IRS1: variants seen among roughly 807,000 people sequenced by gnomAD.
IRS1 encodes insulin receptor substrate 1.
A neutral mutation model predicts 65.6 loss-of-function variants in IRS1; 34 were observed. The observed-to-expected ratio is 0.52, with a 90% CI of 0.39 to 0.69. The LOEUF (loss-of-function observed/expected upper bound fraction) is 0.69, where lower values mean the gene tolerates loss of function less well. IRS1 is among the 30% of genes least tolerant of loss of function. The pLI is 0.00. For synonymous variants in IRS1, 699 were observed against 683.5 expected (o/e 1.02, Z -0.35); for missense variants, 1,641 against 1,720.2 (o/e 0.95, Z 0.81).
Position 226,797,273 on chromosome 2 carries a change from C to T in IRS1, c.1466G>A (p.Gly489Asp), listed in dbSNP as rs745355096. The T allele has an allele frequency of 5.6e-6, 9 of 1,613,402 alleles. No homozygotes were observed. Among genetic ancestry groups the T allele is most frequent in the Non-Finnish European group, 7.6e-6 (9 of 1,179,964 alleles). Reference protein sequence around the residue: ...PNGHYILSRGGNGHRCTPGTG... With the variant: ...PNGHYILSRGDNGHRCTPGTG... ...TCCTGGGGTGCAGCGGTGGCCATTG[C>T]CACCCCGAGACAAAATGTAGTGACC... is the stretch of plus-strand genomic sequence containing the variant. Residue 489 changes from glycine (G) to aspartate (D), a missense_variant, in exon 1 of 2, where the codon GGC (glycine) becomes GAC (aspartate). Around this residue, in one of 3 missense-constraint regions of IRS1, gnomAD observed 1,324 missense variants for 1,361.0 expected, o/e 0.97. Coordinates refer to ENST00000305123, the MANE Select transcript of IRS1 (RefSeq NM_005544.3). The surrounding 1 kb of genome is among the most constrained non-coding windows in gnomAD (Gnocchi z 8.1).
intron 1 of IRS1, among the ~76,000 whole-genome samples, chr2:226,790,162 C>T (rs1358695969): frequency 1.3e-5 from 2 of 152,184 alleles, no homozygotes; most frequent in Non-Finnish European, 2.9e-5. Flanking sequence ...ACAAAATCCT[C>T]AAGTTACTGA....
intron 1 of IRS1, among the ~76,000 whole-genome samples, chr2:226,740,396 A>G (rs1938414758): frequency 6.6e-6 from 1 of 152,208 alleles, no homozygotes; most frequent in Non-Finnish European, 1.5e-5. Flanking sequence ...GCTACTTGAC[A>G]CCTATGGATT....
At chr2:226,769,552 G>A (rs1046767432) in intron 1 of IRS1, among the ~76,000 whole-genome samples, 24 of 152,220 alleles carry the variant, frequency 1.6e-4, no homozygotes, top group Non-Finnish European at 3.1e-4. Flanking sequence ...ACATGCAGAT[G>A]TTGTTTTAGG....
In IRS1 at chr2:226,799,295, C is replaced by A; in HGVS notation, c.-557G>T. 1 of 1,197,118 alleles carries A rather than the reference C, an allele frequency of 8.4e-7. No individual in the cohort carries two copies. Among genetic ancestry groups the A allele is most frequent in the South Asian group, 1.5e-5 (1 of 65,592 alleles). 74.2% of individuals were successfully genotyped at this position (1,197,118 alleles called of 1,614,324 possible). A position where few individuals can be genotyped will look rare whatever the true frequency, so the allele number is the denominator to read the frequency against. On this transcript the variant is annotated 5_prime_UTR_variant, in exon 1 of 2. Transcript: ENST00000305123. This position sits in a 1 kb window ranked among gnomAD's most constrained non-coding sequence, Gnocchi z 6.1. ...CCTTCGCCTCCTCCCACCCCCCAAC[C>A]GTCCCAGCCGCCACCAGCCGCCCAA...
At chr2:226,744,661 C>T (rs1031161937) in intron 1 of IRS1, among the ~76,000 whole-genome samples, 12 of 152,190 alleles carry the variant, frequency 7.9e-5, no homozygotes, top group Non-Finnish European at 1.6e-4. Flanking sequence ...ACCGTGTATG[C>T]AAGGGATCTA....
intron 1 of IRS1, among the ~76,000 whole-genome samples, chr2:226,776,612 A>G (rs915184547): frequency 1.1e-4 from 16 of 152,150 alleles, no homozygotes; most frequent in Non-Finnish European, 2.1e-4. Flanking sequence ...CACTGTTACA[A>G]AGTGTAATCC....
intron 1 of IRS1, among the ~76,000 whole-genome samples, chr2:226,775,222 C>T (rs929953510): frequency 3.9e-5 from 6 of 152,194 alleles, no homozygotes; most frequent in African/African-American, 1.2e-4. Context: ...ACCGAAGTAA[C>T]TCTGGAAATG....
intron 1 of IRS1, among the ~76,000 whole-genome samples, chr2:226,750,576 T>C (rs1938658496): frequency 3.3e-5 from 5 of 152,206 alleles, no homozygotes; most frequent in Admixed American, 3.3e-4. Flanking sequence ...AAAGGAAGAA[T>C]ACATATCAAA....
intron 1 of IRS1, among the ~76,000 whole-genome samples, chr2:226,751,322 C>T (rs1380108202): frequency 1.7e-5 from 2 of 115,494 alleles, no homozygotes; most frequent in East Asian, 2.7e-4. Context: ...CTCGCTTTGT[C>T]GCCCAGGCTG....
chr2:226,776,844 T>G (rs1939283872), intron 1 of IRS1, among the ~76,000 whole-genome samples: 1 of 152,188 alleles, frequency 6.6e-6, no homozygotes, highest in South Asian at 2.1e-4. Flanking sequence ...AGGCAGAGGC[T>G]GCAGTGAGCC....
At chr2:226,762,501 G>C (rs192730533) in intron 1 of IRS1, among the ~76,000 whole-genome samples, 4 of 152,096 alleles carry the variant, frequency 2.6e-5, no homozygotes, top group South Asian at 4.2e-4. Context: ...TTTTCTAATA[G>C]GGTCAGATTG....
In IRS1 at chr2:226,756,412, G is replaced by C. The variant is rs150991020; in HGVS notation, c.*22-20162C>G. 1.7e-3 allele frequency among the ~76,000 whole-genome samples: 260 copies of C among 152,242 alleles called. 1 individual carries two copies. Among genetic ancestry groups the C allele is most frequent in the Non-Finnish European group, 2.8e-3 (191 of 68,014 alleles). On this transcript the variant is annotated intron_variant, in intron 1 of 1. Coordinates refer to ENST00000305123, the MANE Select transcript of IRS1 (RefSeq NM_005544.3). ...ATGAGCCCTGCCACTACAAGTCAAA[G>C]TCTTGATATCCAAAGAACTGGCTCT...
intron 1 of IRS1, among the ~76,000 whole-genome samples, chr2:226,767,860 CAGA>C (rs1939086334): frequency 1.3e-5 from 2 of 152,164 alleles, no homozygotes. Context: ...ACACGTCACA[CAGA>C]AGAAGTCCAT....
At chr2:226,758,682 C>T (rs751254676) in intron 1 of IRS1, among the ~76,000 whole-genome samples, 3 of 151,924 alleles carry the variant, frequency 2.0e-5, no homozygotes, top group Non-Finnish European at 2.9e-5. Flanking sequence ...CTCTATGTGC[C>T]TCAAGTATCT....
chr2:226,798,885 G>T lies in IRS1; in HGVS notation c.-147C>A. ...GACTCTGAAATCCACGCCGCCCCCC[G>T]CGCCGGGGAGGGGCAGCTGAAGGAG... On this transcript the variant is annotated 5_prime_UTR_variant, in exon 1 of 2. Transcript: ENST00000305123. This position sits in a 1 kb window ranked among gnomAD's most constrained non-coding sequence, Gnocchi z 9.4. 1 of 1,517,156 alleles carries T rather than the reference G, an allele frequency of 6.6e-7. No homozygotes were observed. 94.0% of individuals were successfully genotyped at this position (1,517,156 alleles called of 1,614,324 possible).
chr2:226,768,069 T>C (rs563109288), intron 1 of IRS1, among the ~76,000 whole-genome samples: 1 of 152,292 alleles, frequency 6.6e-6, no homozygotes, highest in South Asian at 2.1e-4. Context: ...GAACATAGGA[T>C]CGTTCCCAGC....
intron 1 of IRS1, among the ~76,000 whole-genome samples, chr2:226,758,027 C>A (rs1938840240): frequency 6.6e-6 from 1 of 152,106 alleles, no homozygotes. Context: ...ATTTATGTGT[C>A]AAAAGAATTC....
chr2:226,744,268 T>C (rs1938495701), intron 1 of IRS1, among the ~76,000 whole-genome samples: 1 of 152,238 alleles, frequency 6.6e-6, no homozygotes, highest in African/African-American at 2.4e-5. Context: ...TGGTTCACTT[T>C]ATGGAAGAAC....
At position 226,753,783 on chromosome 2, in the gene IRS1, T is replaced by C. The variant is rs536573519; in HGVS notation, c.*22-17533A>G. On this transcript the variant is annotated intron_variant, in intron 1 of 1. Coordinates refer to ENST00000305123, the MANE Select transcript of IRS1 (RefSeq NM_005544.3). ...ATAGTTGGCAGTGTTCTAAAGGGGT[T>C]TGCTAACTTTTTGAAAGTGTTATTT... Among the ~76,000 whole-genome samples, 4 of 152,326 alleles carry C rather than the reference T, an allele frequency of 2.6e-5. No individual in the cohort carries two copies. In the East Asian group the frequency reaches 7.7e-4, roughly 29 times the overall value.
Sources: gnomAD v4.1 joint callset for allele counts (sites outside exome capture counted in the v4.1 genomes callset) on GRCh38, gnomAD v4.1.1 for gene constraint, gnomAD v4.1.1 regional missense constraint, Gnocchi (gnomAD v3.1) non-coding constraint, MANE v1.5 for transcripts, NCBI Gene and HGNC (gene_info 2026-07-23, HGNC 2026-07-21) for gene names.